ARHGAP24: variants seen among roughly 807,000 people sequenced by gnomAD.
The protein encoded by ARHGAP24 is Rho GTPase activating protein 24, also known as rho GTPase-activating protein 24.
A neutral mutation model predicts 76.4 loss-of-function variants in ARHGAP24; 50 were observed. The ratio of observed to expected loss-of-function variants is 0.65; its 90% CI spans 0.52 to 0.83. The LOEUF (loss-of-function observed/expected upper bound fraction) is 0.83, where lower values mean the gene tolerates loss of function less well. Ranked by LOEUF, ARHGAP24 falls within the 40% of genes least tolerant of loss-of-function variation. ARHGAP24 has a pLI of 0.00. For missense variants in ARHGAP24, 930 were observed against 914.2 expected, an observed-to-expected ratio of 1.02 and a Z score of -0.22; for synonymous variants, 345 against 323.3, an observed-to-expected ratio of 1.07 and a Z score of -0.72.
At chr4:85,707,346 T>C (rs956981211) in intron 2 of ARHGAP24, among the ~76,000 whole-genome samples, 7 of 152,252 alleles carry the variant, frequency 4.6e-5, no homozygotes, top group African/African-American at 1.4e-4. Context: ...TGCTTTTTTT[T>C]CCCTCACCAG....
chr4:85,990,678 GT>G (rs1336284089), intron 8 of ARHGAP24: 1 of 151,782 alleles, frequency 6.6e-6, no homozygotes, highest in Non-Finnish European at 1.5e-5. Context: ...AAAGGGGAAG[GT>G]CATTTCCCCA....
intron 3 of ARHGAP24, among the ~76,000 whole-genome samples, chr4:85,825,356 A>C (rs1729663265): frequency 6.6e-6 from 1 of 152,212 alleles, no homozygotes; most frequent in Non-Finnish European, 1.5e-5. Context: ...TTCCAATAAA[A>C]TTGGTTGAAA....
intron 8 of ARHGAP24, among the ~76,000 whole-genome samples, chr4:85,982,959 C>A (rs1359768829): frequency 6.6e-6 from 1 of 152,068 alleles, no homozygotes; most frequent in Non-Finnish European, 1.5e-5. Context: ...TGTGTTGTTC[C>A]CCTCCCTATG....
chr4:85,661,970 G>A (rs186031304), intron 2 of ARHGAP24, among the ~76,000 whole-genome samples: 2 of 152,258 alleles, frequency 1.3e-5, no homozygotes, highest in South Asian at 2.1e-4. Context: ...TAGTGCAGCA[G>A]TAAACATACG....
intron 3 of ARHGAP24, among the ~76,000 whole-genome samples, chr4:85,898,874 G>A (rs1016437685): frequency 6.6e-6 from 1 of 152,106 alleles, no homozygotes; most frequent in African/African-American, 2.4e-5. Context: ...TTCCCAAGTA[G>A]CTGGGATTAC....
chr4:85,826,472 C>A (rs1017082458), intron 3 of ARHGAP24, among the ~76,000 whole-genome samples: 7 of 152,302 alleles, frequency 4.6e-5, no homozygotes, highest in African/African-American at 1.7e-4. Context: ...CCCTCAAGAT[C>A]TGCCACAAAG....
chr4:85,903,041 G>T (rs1469726308), intron 3 of ARHGAP24, among the ~76,000 whole-genome samples: 1 of 152,192 alleles, frequency 6.6e-6, no homozygotes, highest in African/African-American at 2.4e-5. Context: ...CCAGCAAACA[G>T]ATTATTTTTA....
In ARHGAP24 at chr4:85,490,480, C is replaced by T. The variant is rs138082200; in HGVS notation, c.-21+14921C>T. 2.3e-4 allele frequency among the ~76,000 whole-genome samples: 35 copies of T among 152,260 alleles called. No individual in the cohort carries two copies. In the South Asian group the frequency reaches 2.9e-3, roughly 13 times the overall value. On this transcript the variant is annotated intron_variant, in intron 1 of 9. Coordinates refer to ENST00000395184, the MANE Select transcript of ARHGAP24 (RefSeq NM_001025616.3). The stretch of plus-strand genomic sequence containing the variant: ...TGGTAGTTCTTTTGCTTTGCAATTT[C>T]CTGGTATTCCATTGTTAAATTACAA...
intron 2 of ARHGAP24, among the ~76,000 whole-genome samples, chr4:85,595,580 A>G (rs1719785658): frequency 6.6e-6 from 1 of 152,078 alleles, no homozygotes; most frequent in African/African-American, 2.4e-5. Flanking sequence ...GATTATGTAA[A>G]AGACTTTAGG....
At chr4:85,996,209 T>C (rs1242919518) in intron 9 of ARHGAP24, among the ~76,000 whole-genome samples, 1 of 152,142 alleles carries the variant, frequency 6.6e-6, no homozygotes, top group Non-Finnish European at 1.5e-5. Flanking sequence ...ACATAGGGGA[T>C]TGACAGGCTG....
chr4:85,824,573 T>G (rs1376634194), intron 3 of ARHGAP24, among the ~76,000 whole-genome samples: 1 of 152,228 alleles, frequency 6.6e-6, no homozygotes, highest in Non-Finnish European at 1.5e-5. Context: ...TTTATTCTCC[T>G]CACTGATTGC....
intron 2 of ARHGAP24, among the ~76,000 whole-genome samples, chr4:85,699,439 AT>A (rs1560591173): frequency 6.6e-6 from 1 of 152,044 alleles, no homozygotes; most frequent in East Asian, 1.9e-4. Context: ...ACAAAAAATA[AT>A]TTTTCAAAAA....
chr4:85,799,130 C>T (rs1377529694), intron 3 of ARHGAP24, among the ~76,000 whole-genome samples: 1 of 152,050 alleles, frequency 6.6e-6, no homozygotes, highest in Non-Finnish European at 1.5e-5. Flanking sequence ...GCTGTATACA[C>T]TGAGAGAGGC....
At chr4:85,492,164 A>C (rs1453026480) in intron 1 of ARHGAP24, among the ~76,000 whole-genome samples, 1 of 149,678 alleles carries the variant, frequency 6.7e-6, no homozygotes, top group Non-Finnish European at 1.5e-5. Flanking sequence ...TTGTCATATC[A>C]GTTTCCTCTA....
At chr4:85,965,595 C>CT (rs1738547474) in intron 5 of ARHGAP24, among the ~76,000 whole-genome samples, 1 of 137,094 alleles carries the variant, frequency 7.3e-6, no homozygotes, top group African/African-American at 2.8e-5. Context: ...TTGGAATTCC[C>CT]TCCTTTGGAA....
intron 3 of ARHGAP24, among the ~76,000 whole-genome samples, chr4:85,753,572 G>A (rs1429813459): frequency 1.3e-5 from 2 of 152,202 alleles, no homozygotes; most frequent in African/African-American, 2.4e-5. Flanking sequence ...CAACATTTCA[G>A]TAGAGCAATT....
chr4:85,905,359 T>G (rs1734716483), intron 3 of ARHGAP24, among the ~76,000 whole-genome samples: 1 of 145,546 alleles, frequency 6.9e-6, no homozygotes. Flanking sequence ...TCTTCAAATC[T>G]TCTTATACTT....
intron 2 of ARHGAP24, among the ~76,000 whole-genome samples, chr4:85,669,215 A>G (rs918479554): frequency 1.3e-5 from 2 of 151,882 alleles, no homozygotes; most frequent in Admixed American, 6.6e-5. Context: ...TCAAAATTCA[A>G]TCTTCACTCC....
intron 1 of ARHGAP24, among the ~76,000 whole-genome samples, chr4:85,510,807 C>T (rs1320496203): frequency 1.7e-4 from 11 of 66,372 alleles, no homozygotes. Context: ...CCCCTTCCTC[C>T]TCCTCCTCCT....
Sources: allele counts gnomAD v4.1 joint callset (sites outside exome capture counted in the v4.1 genomes callset), GRCh38; gene constraint gnomAD v4.1.1; transcripts MANE v1.5; gene names NCBI Gene and HGNC (gene_info 2026-07-23, HGNC 2026-07-21).